DCBLD1: variants seen among roughly 807,000 people sequenced by gnomAD.
The protein encoded by DCBLD1 is discoidin, CUB and LCCL domain-containing protein 1.
DCBLD1 carries 57 observed loss-of-function variants against 71.5 expected under a neutral mutation model. That is an observed-to-expected ratio of 0.80 (90% CI 0.64 to 0.99). DCBLD1 has a LOEUF of 0.99. Among genes scored for constraint, DCBLD1 ranks in the 50% least tolerant of loss-of-function variants. The probability of loss-of-function intolerance (pLI) is 0.00; values close to 1 mark genes in which losing one functional copy is unlikely to be tolerated. For missense variants in DCBLD1, 891 were observed against 923.5 expected (o/e 0.96, Z 0.46); for synonymous variants, 380 against 363.8 (o/e 1.04, Z -0.51).
chr6:117,492,323 G>T (rs534456733), intron 1 of DCBLD1, among the ~76,000 whole-genome samples: 10 of 152,278 alleles, frequency 6.6e-5, no homozygotes, highest in African/African-American at 2.2e-4. Context: ...GCTATTGAGG[G>T]AACTGAGATT....
In DCBLD1 at chr6:117,495,678, C is replaced by G. The variant is rs554582460; in HGVS notation, c.113-8089C>G. 3.3e-5 allele frequency among the ~76,000 whole-genome samples: 5 copies of G among 152,330 alleles called. No homozygotes were observed. In the East Asian group the frequency reaches 9.6e-4, roughly 29 times the overall value. ...TTAGGAAATGATAGGTGTGTCAACT[C>G]TCCTCCCCCACATCCACAAGCCTTC... On this transcript the variant is annotated intron_variant, in intron 1 of 14. Coordinates refer to ENST00000338728, the MANE Select transcript of DCBLD1 (RefSeq NM_001366458.2).
chr6:117,497,705 A>G (rs1302673799), intron 1 of DCBLD1, among the ~76,000 whole-genome samples: 1 of 152,192 alleles, frequency 6.6e-6, no homozygotes, highest in African/African-American at 2.4e-5. Context: ...ACAGTATACT[A>G]AGTTCCTAGT....
In DCBLD1 at chr6:117,532,394, G is replaced by T; in HGVS notation, c.719+1G>T. 1 of 1,601,550 alleles carries T rather than the reference G, an allele frequency of 6.2e-7. No individual in the cohort carries two copies. The highest frequency in any genetic ancestry group is 8.5e-7 in the Non-Finnish European group (1 of 1,176,322). On this transcript the variant is annotated splice_donor_variant, in intron 6 of 14. Coordinates refer to ENST00000338728, the MANE Select transcript of DCBLD1 (RefSeq NM_001366458.2). LOFTEE classifies it high-confidence loss of function. ...TGGCCAATGGTGTTCTTTCGAGGGA[G>T]TAAGTATTTTTTTTCAGTATCGTTT...
At chr6:117,559,963 T>C (rs1422184259) in intron 14 of DCBLD1, among the ~76,000 whole-genome samples, 1 of 152,232 alleles carries the variant, frequency 6.6e-6, no homozygotes, top group Non-Finnish European at 1.5e-5. Flanking sequence ...GTATTTCTAA[T>C]GTTCATAACA....
chr6:117,560,192 C>G (rs149630298), intron 14 of DCBLD1: 46 of 162,366 alleles, frequency 2.8e-4, no homozygotes, highest in Middle Eastern at 5.5e-3. Flanking sequence ...CAAAATTAAG[C>G]CAAGTCCTTT....
intron 14 of DCBLD1, among the ~76,000 whole-genome samples, chr6:117,546,225 A>C (rs1204794406): frequency 1.3e-5 from 2 of 152,208 alleles, no homozygotes; most frequent in Non-Finnish European, 2.9e-5. Flanking sequence ...AAGAGTAACT[A>C]AGAGTAGTTT....
At chr6:117,490,018 A>G (rs1480287477) in intron 1 of DCBLD1, among the ~76,000 whole-genome samples, 1 of 152,194 alleles carries the variant, frequency 6.6e-6, no homozygotes, top group East Asian at 1.9e-4. Context: ...TTGTCCTGAT[A>G]TATCATAATC....
At position 117,519,860 on chromosome 6, in the gene DCBLD1, A is replaced by G. The variant is rs1350839738; in HGVS notation, c.370A>G (p.Asn124Asp). 6.2e-7 allele frequency: 1 copy of G among 1,614,134 alleles called. No individual in the cohort carries two copies. Among genetic ancestry groups the G allele is most frequent in the Non-Finnish European group, 8.5e-7 (1 of 1,179,968 alleles). Reference sequence around the variant, plus strand: ...GACTGTTCCCAAAGAACTCTTGTTGAACACAAGTGAAGTAACCGTCCGCTT... The same window carrying G: ...GACTGTTCCCAAAGAACTCTTGTTGGACACAAGTGAAGTAACCGTCCGCTT... ...SMTVPKELLL[N>D]TSEVTVRFES... Residue 124 changes from asparagine to aspartate, a missense_variant, in exon 3 of 15, where the codon AAC (asparagine) becomes GAC (aspartate). Transcript: ENST00000338728.
intron 2 of DCBLD1, among the ~76,000 whole-genome samples, chr6:117,514,225 A>G (rs540201577): frequency 1.1e-3 from 161 of 152,338 alleles, no homozygotes; most frequent in African/African-American, 3.7e-3. Flanking sequence ...GCAATACTAC[A>G]GCCAGTATTC....
chr6:117,557,297 T>C (rs1279356642), intron 14 of DCBLD1, among the ~76,000 whole-genome samples: 1 of 152,246 alleles, frequency 6.6e-6, no homozygotes, highest in Non-Finnish European at 1.5e-5. Flanking sequence ...CCATGTTCTT[T>C]TGGAGAAAAT....
rs1211593708 is a variant in DCBLD1, at chr6:117,548,193, C to T, written c.1902C>T (p.Leu634=). 4.5e-6 allele frequency: 7 copies of T among 1,550,328 alleles called. No individual in the cohort carries two copies. Among genetic ancestry groups the T allele is most frequent in the South Asian group, 1.2e-5 (1 of 84,044 alleles). ...CCCAGCCCGGCCACAAACACTCCCT[C>T]TCCTCGGGCGGCTTCTCCCCCGTAG... The part of the protein sequence containing the change: ...PGPQPGHKHS[L]SSGGFSPVAG... The change falls in exon 15 of 15, where the codon CTC becomes CTT. Residue 634 remains leucine (L), a synonymous_variant. Coordinates refer to ENST00000338728, the MANE Select transcript of DCBLD1 (RefSeq NM_001366458.2).
intron 2 of DCBLD1, among the ~76,000 whole-genome samples, chr6:117,512,071 C>T (rs929702230): frequency 6.6e-6 from 1 of 152,074 alleles, no homozygotes; most frequent in Admixed American, 6.6e-5. Context: ...AACCATAAGC[C>T]TCAAGGAGAA....
chr6:117,568,966 CT>C (rs1285878113), intron 14 of DCBLD1, among the ~76,000 whole-genome samples: 84 of 152,178 alleles, frequency 5.5e-4, no homozygotes, highest in Non-Finnish European at 8.8e-5. Context: ...CAACTCTATT[CT>C]TGAAAGAAAT....
intron 1 of DCBLD1, among the ~76,000 whole-genome samples, chr6:117,489,565 T>C (rs1045312441): frequency 2.6e-5 from 4 of 152,140 alleles, no homozygotes; most frequent in African/African-American, 7.2e-5. Context: ...CTTTTAAAAA[T>C]AGAGCTGTGC....
At chr6:117,501,952 G>A (rs911745580) in intron 1 of DCBLD1, among the ~76,000 whole-genome samples, 2 of 152,078 alleles carry the variant, frequency 1.3e-5, no homozygotes, top group African/African-American at 2.4e-5. Flanking sequence ...CAAGGCCTTG[G>A]TGTTTTTTCT....
downstream of DCBLD1, among the ~76,000 whole-genome samples, chr6:117,553,089 T>C (rs1010812454): frequency 3.3e-4 from 50 of 152,190 alleles, no homozygotes; most frequent in African/African-American, 1.2e-3. Flanking sequence ...TGCAGAACTA[T>C]TCACACTGTG....
At chr6:117,566,353 TAG>T (rs1193869811) in intron 14 of DCBLD1, among the ~76,000 whole-genome samples, 1 of 152,178 alleles carries the variant, frequency 6.6e-6, no homozygotes, top group Non-Finnish European at 1.5e-5. Context: ...AAGGAAGTGC[TAG>T]AGTTTTTCCT....
intron 2 of DCBLD1, among the ~76,000 whole-genome samples, chr6:117,504,203 G>A (rs569584657): frequency 7.9e-5 from 12 of 152,290 alleles, no homozygotes; most frequent in African/African-American, 2.9e-4. Flanking sequence ...CAGAACCTTT[G>A]TTAGAGTTTC....
chr6:117,509,593 C>G (rs1777949345), intron 2 of DCBLD1, among the ~76,000 whole-genome samples: 1 of 152,138 alleles, frequency 6.6e-6, no homozygotes, highest in African/African-American at 2.4e-5. Flanking sequence ...TGCCCCTCTA[C>G]TTTACTCTTC....
Sources: allele counts gnomAD v4.1 joint callset (sites outside exome capture counted in the v4.1 genomes callset), GRCh38; gene constraint gnomAD v4.1.1; transcripts MANE v1.5; gene names NCBI Gene and HGNC (gene_info 2026-07-23, HGNC 2026-07-21).